The following RARB variants were observed in gnomAD, a reference collection of about 807,000 sequenced individuals.
The protein encoded by RARB is retinoic acid receptor beta.
Under a neutral mutation model 51.9 loss-of-function variants are expected in RARB, and 17 were observed. The ratio of observed to expected loss-of-function variants is 0.33; its 90% CI spans 0.22 to 0.49. RARB has a LOEUF of 0.49. Among genes scored for constraint, RARB ranks in the 20% least tolerant of loss-of-function variants. The pLI, the probability that RARB is intolerant of heterozygous loss-of-function variation, is 0.99. For missense variants in RARB, 369 were observed against 550.8 expected (o/e 0.67, Z 3.30); for synonymous variants, 215 against 195.4 (o/e 1.10, Z -0.84).
intron 1 of RARB, among the ~76,000 whole-genome samples, chr3:25,451,264 G>C (rs1414136742): frequency 6.6e-6 from 1 of 152,190 alleles, no homozygotes; most frequent in East Asian, 1.9e-4. Flanking sequence ...ACAGAAATCA[G>C]GATTATCTGC....
At chr3:24,970,093 TG>T (rs1696361905) in intron 2 of RARB, among the ~76,000 whole-genome samples, 1 of 152,084 alleles carries the variant, frequency 6.6e-6, no homozygotes, top group African/African-American at 2.4e-5. Context: ...GACTCAACTT[TG>T]TTTTTGTAGG....
chr3:25,453,710 G>T (rs1020449561), intron 1 of RARB, among the ~76,000 whole-genome samples: 1 of 152,090 alleles, frequency 6.6e-6, no homozygotes, highest in African/African-American at 2.4e-5. Context: ...GGTCAGAATA[G>T]CAGAGTTTCT....
At position 25,146,499 on chromosome 3, in the gene RARB, G is replaced by GTTTTTTTTTTTTTTTTTTTTTTT. The variant is rs1413825514; in HGVS notation, c.-280+14294_-280+14295insTTTTTTTTTTTTTTTTTTTTTTT. 6.7e-5 allele frequency among the ~76,000 whole-genome samples: 7 copies of GTTTTTTTTTTTTTTTTTTTTTTT among 104,380 alleles called. 2 individuals carry two copies. Among genetic ancestry groups the GTTTTTTTTTTTTTTTTTTTTTTT allele is most frequent in the South Asian group, 2.8e-4 (1 of 3,530 alleles). 68.5% of individuals were successfully genotyped at this position (104,380 alleles called of 152,430 possible). ...CAGGCTATAATTTGCTAAGTTTTTTGTTTGTTTGTTTGTTTTTTTTTTTTT... is the reference window on the plus strand; with the variant it reads ...CAGGCTATAATTTGCTAAGTTTTTTGTTTTTTTTTTTTTTTTTTTTTTTTTTGTTTGTTTGTTTTTTTTTTTTT... On this transcript the variant is annotated intron_variant, in intron 4 of 11. Coordinates refer to the RARB transcript ENST00000383772.
At chr3:25,196,360 G>C (rs1028936295) in intron 5 of RARB, among the ~76,000 whole-genome samples, 7 of 151,948 alleles carry the variant, frequency 4.6e-5, no homozygotes, top group African/African-American at 1.4e-4. Context: ...TCAGAATGAT[G>C]GTTTCCAGCT....
intron 5 of RARB, among the ~76,000 whole-genome samples, chr3:25,257,087 C>T (rs1702884838): frequency 2.6e-5 from 4 of 152,126 alleles, no homozygotes; most frequent in African/African-American, 7.2e-5. Context: ...ATTTAAAGAA[C>T]ATCTGCCCCT....
chr3:25,170,078 C>T (rs1700619399), intron 4 of RARB, among the ~76,000 whole-genome samples: 1 of 151,496 alleles, frequency 6.6e-6, no homozygotes, highest in African/African-American at 2.4e-5. Flanking sequence ...GGATAGAGAG[C>T]TGTTATTCTT....
At chr3:25,177,007 C>T (rs867550249) in intron 5 of RARB, among the ~76,000 whole-genome samples, 17 of 152,130 alleles carry the variant, frequency 1.1e-4, no homozygotes, top group African/African-American at 3.9e-4. Context: ...TGCTAAGTAA[C>T]TGCACCTTAA....
At chr3:24,953,433 T>C (rs986799973) in intron 2 of RARB, among the ~76,000 whole-genome samples, 2 of 152,204 alleles carry the variant, frequency 1.3e-5, no homozygotes, top group African/African-American at 4.8e-5. Flanking sequence ...CCTCACTTAG[T>C]ACCCCTGAGC....
intron 5 of RARB, among the ~76,000 whole-genome samples, chr3:25,280,990 A>G (rs776302226): frequency 2.0e-5 from 3 of 152,128 alleles, no homozygotes; most frequent in African/African-American, 7.2e-5. Context: ...AAACTTGTTT[A>G]CTCTTAAACA....
At chr3:25,305,170 A>G (rs1181391003) in intron 5 of RARB, among the ~76,000 whole-genome samples, 1 of 152,086 alleles carries the variant, frequency 6.6e-6, no homozygotes, top group Non-Finnish European at 1.5e-5. Flanking sequence ...TTAGACCTTC[A>G]TTTTAATTTA....
At chr3:24,964,145 A>G (rs1696204093) in intron 2 of RARB, among the ~76,000 whole-genome samples, 1 of 149,760 alleles carries the variant, frequency 6.7e-6, no homozygotes, top group South Asian at 2.1e-4. Context: ...CCCCCACCCC[A>G]CATACTGTAT....
intron 2 of RARB, among the ~76,000 whole-genome samples, chr3:24,984,628 G>A (rs1221535533): frequency 2.0e-5 from 3 of 152,284 alleles, no homozygotes; most frequent in Non-Finnish European, 2.9e-5. Context: ...TCATCAAAGG[G>A]TATGAAGTTG....
At chr3:24,833,485 T>C (rs1702307146) in intron 1 of RARB, among the ~76,000 whole-genome samples, 1 of 152,200 alleles carries the variant, frequency 6.6e-6, no homozygotes, top group Non-Finnish European at 1.5e-5. Context: ...AACAATTCAA[T>C]TTATGTCTCT....
intron 2 of RARB, among the ~76,000 whole-genome samples, chr3:25,004,972 C>T (rs12490228): frequency 0.22 from 33,404 of 151,954 alleles, 4,573 homozygotes; most frequent in Admixed American, 0.36. Context: ...ATGGAAGTTT[C>T]GTTTTGCTAG....
At chr3:25,254,770 G>A (rs1321992514) in intron 5 of RARB, among the ~76,000 whole-genome samples, 1 of 152,072 alleles carries the variant, frequency 6.6e-6, no homozygotes, top group Non-Finnish European at 1.5e-5. Context: ...AATGAAATAG[G>A]ATAAAGAAGA....
chr3:24,875,558 C>G (rs1703027868), intron 2 of RARB, among the ~76,000 whole-genome samples: 2 of 152,106 alleles, frequency 1.3e-5, no homozygotes, highest in African/African-American at 4.8e-5. Context: ...ATGTAAGCAA[C>G]TCCAATGTAA....
intron 5 of RARB, among the ~76,000 whole-genome samples, chr3:25,372,374 A>G (rs903941602): frequency 1.3e-5 from 2 of 152,214 alleles, no homozygotes; most frequent in African/African-American, 4.8e-5. Context: ...GTGGGACAAA[A>G]TCACTCCCAC....
chr3:24,940,761 C>T (rs1343152375), intron 2 of RARB, among the ~76,000 whole-genome samples: 5 of 152,182 alleles, frequency 3.3e-5, no homozygotes, highest in African/African-American at 4.8e-5. Flanking sequence ...AGCATGAGCT[C>T]TGGAGTCATA....
intron 4 of RARB, among the ~76,000 whole-genome samples, chr3:25,146,507 G>GTTTTTTT (rs1209595229): frequency 1.6e-4 from 21 of 133,392 alleles, no homozygotes; most frequent in Non-Finnish European, 2.0e-4. Context: ...TTGTTTGTTT[G>GTTTTTTT]TTTGTTTTTT....
Sources: allele counts gnomAD v4.1 joint callset (sites outside exome capture counted in the v4.1 genomes callset), GRCh38; gene constraint gnomAD v4.1.1; transcripts MANE v1.5; gene names NCBI Gene and HGNC (gene_info 2026-07-23, HGNC 2026-07-21).